The following CAPS2 variants were observed in gnomAD, a reference collection of about 807,000 sequenced individuals.
CAPS2 encodes calcyphosine 2.
CAPS2 carries 98 observed loss-of-function variants against 86.5 expected under a neutral mutation model. The ratio of observed to expected loss-of-function variants is 1.13; its 90% CI spans 0.96 to 1.34. The LOEUF (loss-of-function observed/expected upper bound fraction) is 1.34, where lower values mean the gene tolerates loss of function less well. CAPS2 is among the 40% of genes most tolerant of loss of function. The pLI is 0.00. For synonymous variants in CAPS2, 210 were observed against 225.1 expected (o/e 0.93, Z 0.60); for missense variants, 729 against 686.8 (o/e 1.06, Z -0.69).
chr12:75,281,915 A>G (rs1373049574), intron 16 of CAPS2, among the ~76,000 whole-genome samples: 3 of 152,144 alleles, frequency 2.0e-5, no homozygotes, highest in South Asian at 2.1e-4. Context: ...GGATAACTAT[A>G]TAAGCAGATA....
chr12:75,313,452 G>A (rs1046074262), intron 6 of CAPS2, among the ~76,000 whole-genome samples: 3 of 152,152 alleles, frequency 2.0e-5, no homozygotes, highest in Non-Finnish European at 4.4e-5. Flanking sequence ...TGCATATAAT[G>A]CATCAATAAT....
chr12:75,295,180 A>G (rs1031791780), intron 11 of CAPS2: 1 of 152,208 alleles, frequency 6.6e-6, no homozygotes, highest in Non-Finnish European at 1.5e-5. Context: ...TAAGATGAAA[A>G]CTGAAAAAAG....
chr12:75,352,815 A>T (rs552140697), intron 1 of CAPS2, among the ~76,000 whole-genome samples: 7 of 152,342 alleles, frequency 4.6e-5, no homozygotes, highest in African/African-American at 1.7e-4. Flanking sequence ...ACAAAATACA[A>T]TCAAATTAGA....
chr12:75,311,776 A>T (rs2039257391), intron 7 of CAPS2, among the ~76,000 whole-genome samples: 1 of 148,404 alleles, frequency 6.7e-6, no homozygotes, highest in Non-Finnish European at 1.5e-5. Context: ...CAAATGAGAC[A>T]ACTGCTGCAG....
In CAPS2 at chr12:75,282,866, A is replaced by C. The variant is rs112922165; in HGVS notation, c.1516-519T>G. Among the ~76,000 whole-genome samples, 633 of 152,296 alleles carry C rather than the reference A, an allele frequency of 4.2e-3. 3 individuals are homozygous for C. The highest frequency in any genetic ancestry group is 0.015 in the African/African-American group (605 of 41,572). On this transcript the variant is annotated intron_variant, in intron 15 of 16. Coordinates refer to ENST00000393284, the Ensembl canonical transcript of CAPS2. Reference sequence around the variant, plus strand: ...GCAAGATATTAGGAAATCTGTACTCAATTAGAAAGTTCTACCACTTTCTAG... The same window carrying C: ...GCAAGATATTAGGAAATCTGTACTCCATTAGAAAGTTCTACCACTTTCTAG...
chr12:75,358,567 C>T (rs1444153117), intron 1 of CAPS2, among the ~76,000 whole-genome samples: 1 of 150,780 alleles, frequency 6.6e-6, no homozygotes, highest in Non-Finnish European at 1.5e-5. Context: ...ACAAAGAACA[C>T]CTATGAAAAA....
chr12:75,351,037 A>G (rs2042774662), intron 1 of CAPS2, among the ~76,000 whole-genome samples: 1 of 152,240 alleles, frequency 6.6e-6, no homozygotes, highest in Non-Finnish European at 1.5e-5. Context: ...ACAACACAAG[A>G]ACTTCACAAT....
At chr12:75,330,196 G>A, upstream of CAPS2, 1 of 241,516 alleles carries the variant, frequency 4.1e-6, no homozygotes, top group Non-Finnish European at 7.9e-6. Context: ...CCTCAGTTCC[G>A]CTGCCTGGCT....
intron 11 of CAPS2, among the ~76,000 whole-genome samples, chr12:75,294,525 G>C (rs570490105): frequency 6.6e-6 from 1 of 152,268 alleles, no homozygotes; most frequent in East Asian, 1.9e-4. Flanking sequence ...TCTGTGAGAG[G>C]GTGGGAGCCT....
chr12:75,389,680 C>T (rs553817322), intron 1 of CAPS2, among the ~76,000 whole-genome samples: 1 of 152,314 alleles, frequency 6.6e-6, no homozygotes, highest in East Asian at 1.9e-4. Flanking sequence ...AGGCACATTA[C>T]ATGCTTTTCC....
chr12:75,327,722 T>C (rs1029390158), upstream of CAPS2, among the ~76,000 whole-genome samples: 1 of 151,450 alleles, frequency 6.6e-6, no homozygotes, highest in Non-Finnish European at 1.5e-5. Context: ...ATATGTAAAA[T>C]GAATTTAATG....
chr12:75,300,622 A>T (rs1171619860), intron 8 of CAPS2, among the ~76,000 whole-genome samples: 1 of 150,630 alleles, frequency 6.6e-6, no homozygotes, highest in African/African-American at 2.4e-5. Flanking sequence ...AGGATGAGTA[A>T]GGGACCTAGT....
chr12:75,379,667 T>C (rs995032861), intron 1 of CAPS2, among the ~76,000 whole-genome samples: 18 of 152,142 alleles, frequency 1.2e-4, no homozygotes, highest in African/African-American at 4.1e-4. Flanking sequence ...AGGACAAGTT[T>C]GGGTTGTCAA....
chr12:75,380,951 AG>A (rs908583293), intron 1 of CAPS2, among the ~76,000 whole-genome samples: 18 of 152,206 alleles, frequency 1.2e-4, no homozygotes, highest in Non-Finnish European at 7.3e-5. Context: ...TAATGAATAC[AG>A]AAGTAATGTA....
chr12:75,373,562 T>C (rs1441210059), intron 1 of CAPS2: 1 of 152,240 alleles, frequency 6.6e-6, no homozygotes, highest in Non-Finnish European at 1.5e-5. Context: ...GCCAGGTGCA[T>C]TGCTCAAAGT....
intron 5 of CAPS2, among the ~76,000 whole-genome samples, chr12:75,319,110 A>G (rs926126616): frequency 1.3e-5 from 2 of 150,962 alleles, no homozygotes; most frequent in Non-Finnish European, 2.9e-5. Flanking sequence ...ATATGTACAC[A>G]TAAGTTTGCA....
chr12:75,337,635 T>C (rs1436318789), intron 1 of CAPS2, among the ~76,000 whole-genome samples: 2 of 152,024 alleles, frequency 1.3e-5, no homozygotes, highest in Non-Finnish European at 2.9e-5. Flanking sequence ...TACATATGTA[T>C]ACGTCAGTGA....
upstream of CAPS2, among the ~76,000 whole-genome samples, chr12:75,327,437 A>G (rs1268670034): frequency 6.6e-6 from 1 of 152,208 alleles, no homozygotes; most frequent in African/African-American, 2.4e-5. Context: ...TAAAAATCAA[A>G]TGAATATATT....
upstream of CAPS2, chr12:75,329,881 T>A (rs368188157): frequency 8.4e-6 from 13 of 1,544,466 alleles, no homozygotes; most frequent in African/African-American, 5.5e-5. Context: ...CTGGGATTCC[T>A]GGACAGGACA....
Sources: allele counts gnomAD v4.1 joint callset (sites outside exome capture counted in the v4.1 genomes callset), GRCh38; gene constraint gnomAD v4.1.1; transcripts MANE v1.5; gene names NCBI Gene and HGNC (gene_info 2026-07-23, HGNC 2026-07-21).